The following RAD51B variants were observed in gnomAD, a reference collection of about 807,000 sequenced individuals.
RAD51B encodes DNA repair protein RAD51 homolog 2.
In RAD51B, 38 loss-of-function variants were observed where a neutral mutation model predicts 42.2. The ratio of observed to expected loss-of-function variants is 0.90; its 90% CI spans 0.70 to 1.18. The LOEUF (loss-of-function observed/expected upper bound fraction) is 1.18, where lower values mean the gene tolerates loss of function less well. Ranked by LOEUF, RAD51B falls within the 50% of genes most tolerant of loss-of-function variation. The pLI, the probability that RAD51B is intolerant of heterozygous loss-of-function variation, is 0.00. For missense variants in RAD51B, 373 were observed against 400.7 expected (o/e 0.93, Z 0.59); for synonymous variants, 154 against 145.2 (o/e 1.06, Z -0.43).
intron 4 of RAD51B, among the ~76,000 whole-genome samples, chr14:67,845,427 G>A (rs773193778): frequency 4.6e-5 from 7 of 152,142 alleles, no homozygotes; most frequent in Non-Finnish European, 8.8e-5. Flanking sequence ...TAGCACTTTG[G>A]GAGGCTGAGG....
chr14:68,519,411 A>G (rs1395771596), intron 10 of RAD51B, among the ~76,000 whole-genome samples: 1 of 152,232 alleles, frequency 6.6e-6, no homozygotes, highest in African/African-American at 2.4e-5. Context: ...TTGAGACTTC[A>G]GCCTTAGGGA....
At chr14:68,524,515 C>T (rs1886798558) in intron 10 of RAD51B, among the ~76,000 whole-genome samples, 1 of 152,180 alleles carries the variant, frequency 6.6e-6, no homozygotes, top group Non-Finnish European at 1.5e-5. Flanking sequence ...ACAGGCTAAA[C>T]ACACCCACAG....
intron 10 of RAD51B, among the ~76,000 whole-genome samples, chr14:68,477,153 C>T (rs1283742706): frequency 6.6e-6 from 1 of 152,162 alleles, no homozygotes; most frequent in Non-Finnish European, 1.5e-5. Flanking sequence ...TTTGGTCAGC[C>T]GCGTCCCTAT....
intron 9 of RAD51B, among the ~76,000 whole-genome samples, chr14:68,457,622 C>A (rs1313975434): frequency 6.6e-6 from 1 of 151,522 alleles, no homozygotes; most frequent in South Asian, 2.1e-4. Context: ...TTTTTTGAGA[C>A]GGAGTCTAGC....
intron 8 of RAD51B, among the ~76,000 whole-genome samples, chr14:68,308,100 G>T (rs1322506756): frequency 2.6e-5 from 4 of 152,176 alleles, no homozygotes; most frequent in African/African-American, 7.2e-5. Flanking sequence ...GGAATGTACG[G>T]TGGATGGTAT....
chr14:68,509,770 CTGCAAGGCAGCCA>C lies in RAD51B; in HGVS notation c.1036+41523_1036+41535del, dbSNP rs1305906705. Among the ~76,000 whole-genome samples, 3 of 152,240 alleles carry C rather than the reference CTGCAAGGCAGCCA, an allele frequency of 2.0e-5. No homozygotes were observed. The East Asian group carries it at 5.8e-4, about 29-fold the overall frequency. On this transcript the variant is annotated intron_variant, in intron 10 of 10. Transcript: ENST00000487270. ...GCAGGCCACAGGGTCTCTACCACAA[CTGCAAGGCAGCCA>C]TGGACAATACATAAACAAATGGACA...
intron 5 of RAD51B, among the ~76,000 whole-genome samples, chr14:67,868,315 AG>A (rs1370083716): frequency 6.6e-6 from 1 of 152,196 alleles, no homozygotes; most frequent in Admixed American, 6.5e-5. Flanking sequence ...AGTCAAAGAA[AG>A]GGGTGACAGA....
intron 8 of RAD51B, among the ~76,000 whole-genome samples, chr14:68,301,550 T>C (rs1024405568): frequency 6.6e-6 from 1 of 151,350 alleles, no homozygotes; most frequent in African/African-American, 2.4e-5. Context: ...GAAAGTCCTG[T>C]CTTAGGGTCA....
chr14:68,528,002 A>AT (rs1268418323), intron 10 of RAD51B, among the ~76,000 whole-genome samples: 1 of 152,108 alleles, frequency 6.6e-6, no homozygotes, highest in Non-Finnish European at 1.5e-5. Context: ...TTAAAACATT[A>AT]TTTTTTTTAA....
intron 7 of RAD51B, among the ~76,000 whole-genome samples, chr14:67,950,714 T>C (rs1430012344): frequency 1.3e-5 from 2 of 152,234 alleles, no homozygotes; most frequent in Non-Finnish European, 2.9e-5. Flanking sequence ...CTCATTAATC[T>C]TAATTATTTC....
intron 8 of RAD51B, among the ~76,000 whole-genome samples, chr14:68,338,403 A>G (rs1296864841): frequency 3.3e-5 from 5 of 152,162 alleles, no homozygotes; most frequent in Non-Finnish European, 7.3e-5. Flanking sequence ...TGCTGAGCAC[A>G]TGGCCAAACA....
chr14:68,118,499 T>C (rs1036812463), intron 7 of RAD51B, among the ~76,000 whole-genome samples: 1 of 152,240 alleles, frequency 6.6e-6, no homozygotes, highest in Admixed American at 6.5e-5. Context: ...AAAATATCTT[T>C]GTCTCTGTAG....
intron 3 of RAD51B, among the ~76,000 whole-genome samples, chr14:67,834,204 C>G (rs1339242665): frequency 6.6e-6 from 1 of 152,150 alleles, no homozygotes; most frequent in Non-Finnish European, 1.5e-5. Flanking sequence ...TTCACATAAC[C>G]TTTTCCTGTG....
chr14:68,577,910 G>C (rs1430252716), intron 10 of RAD51B, among the ~76,000 whole-genome samples: 1 of 152,230 alleles, frequency 6.6e-6, no homozygotes, highest in African/African-American at 2.4e-5. Context: ...AAATCAGGGA[G>C]AATGGTGGGT....
intron 7 of RAD51B, among the ~76,000 whole-genome samples, chr14:68,090,778 G>A (rs1303084792): frequency 6.6e-6 from 1 of 151,196 alleles, no homozygotes; most frequent in Non-Finnish European, 1.5e-5. Flanking sequence ...GTATACATGT[G>A]CCATGTTGGT....
At chr14:68,663,310 A>G (rs950528330) in intron 11 of RAD51B, among the ~76,000 whole-genome samples, 3 of 149,092 alleles carry the variant, frequency 2.0e-5, no homozygotes, top group Non-Finnish European at 3.0e-5. Context: ...CTCAAAAACA[A>G]AGAGAGAGAG....
intron 10 of RAD51B, among the ~76,000 whole-genome samples, chr14:68,542,997 A>G (rs1566932515): frequency 6.6e-6 from 1 of 152,200 alleles, no homozygotes; most frequent in Non-Finnish European, 1.5e-5. Context: ...CCTTTCTCCC[A>G]TTCTCTAACC....
chr14:68,563,100 T>C (rs1169760642), intron 10 of RAD51B: 2 of 985,350 alleles, frequency 2.0e-6, no homozygotes, highest in Non-Finnish European at 2.4e-6. Flanking sequence ...GTCTGCCTTG[T>C]TGACTCTGCC....
intron 10 of RAD51B, among the ~76,000 whole-genome samples, chr14:68,604,203 G>C (rs895769076): frequency 6.6e-6 from 1 of 152,190 alleles, no homozygotes; most frequent in Non-Finnish European, 1.5e-5. Flanking sequence ...GGAGAAGGTG[G>C]GGTGAGCCCA....
Sources: gnomAD v4.1 joint callset for allele counts (sites outside exome capture counted in the v4.1 genomes callset) on GRCh38, gnomAD v4.1.1 for gene constraint, MANE v1.5 for transcripts, NCBI Gene and HGNC (gene_info 2026-07-23, HGNC 2026-07-21) for gene names.